ABTB2: variants seen among roughly 807,000 people sequenced by gnomAD.
ABTB2 encodes ankyrin repeat and BTB domain containing 2, also known as ankyrin repeat and BTB/POZ domain-containing protein 2.
A neutral mutation model predicts 104.1 loss-of-function variants in ABTB2; 56 were observed. The ratio of observed to expected loss-of-function variants is 0.54; its 90% CI spans 0.43 to 0.67. The LOEUF (loss-of-function observed/expected upper bound fraction) is 0.67, where lower values mean the gene tolerates loss of function less well. Among genes scored for constraint, ABTB2 ranks in the 30% least tolerant of loss-of-function variants. The pLI is 0.00. For missense variants in ABTB2, 1,279 were observed against 1,407.7 expected, an observed-to-expected ratio of 0.91 and a Z score of 1.46; for synonymous variants, 606 against 608.2, an observed-to-expected ratio of 1.00 and a Z score of 0.05.
intron 1 of ABTB2, among the ~76,000 whole-genome samples, chr11:34,272,134 G>A (rs1389570362): frequency 1.3e-5 from 2 of 152,082 alleles, no homozygotes; most frequent in Non-Finnish European, 1.5e-5. Flanking sequence ...TAAAGATAAT[G>A]ATAGTACCCA....
intron 2 of ABTB2, among the ~76,000 whole-genome samples, chr11:34,201,444 T>G (rs1223390454): frequency 1.3e-5 from 2 of 152,184 alleles, no homozygotes; most frequent in Non-Finnish European, 2.9e-5. Flanking sequence ...TTGTTTTATT[T>G]TGTATTCTCT....
At chr11:34,165,718 C>G (rs1405249063) in intron 7 of ABTB2, among the ~76,000 whole-genome samples, 1 of 152,236 alleles carries the variant, frequency 6.6e-6, no homozygotes, top group African/African-American at 2.4e-5. Flanking sequence ...AACCATGGCT[C>G]TGGGTGGCAG....
At chr11:34,312,295 C>T (rs1854866051) in intron 1 of ABTB2, among the ~76,000 whole-genome samples, 1 of 152,196 alleles carries the variant, frequency 6.6e-6, no homozygotes, top group Admixed American at 6.5e-5. Context: ...CAGGAAAACA[C>T]ACCTTGTTCA....
intron 1 of ABTB2, among the ~76,000 whole-genome samples, chr11:34,271,267 A>G (rs1010967651): frequency 6.6e-6 from 1 of 152,242 alleles, no homozygotes; most frequent in Non-Finnish European, 1.5e-5. Flanking sequence ...GATGGAAATG[A>G]AGATAATAAT....
chr11:34,206,738 G>A (rs1316037328), intron 1 of ABTB2, among the ~76,000 whole-genome samples: 1 of 152,136 alleles, frequency 6.6e-6, no homozygotes, highest in African/African-American at 2.4e-5. Context: ...CCAGCCCAGG[G>A]CCTCAGTGTG....
chr11:34,175,457 G>A (rs541060862), intron 3 of ABTB2, among the ~76,000 whole-genome samples: 25 of 152,194 alleles, frequency 1.6e-4, no homozygotes, highest in Admixed American at 1.2e-3. Context: ...GTAACTTACT[G>A]AATACTGTAT....
intron 2 of ABTB2, among the ~76,000 whole-genome samples, chr11:34,202,612 G>A (rs995380993): frequency 3.9e-5 from 6 of 152,110 alleles, no homozygotes; most frequent in African/African-American, 9.7e-5. Context: ...AGGCCAAAGT[G>A]GGGAATCACT....
chr11:34,168,386 T>C (rs1199563155), intron 5 of ABTB2, among the ~76,000 whole-genome samples: 1 of 152,206 alleles, frequency 6.6e-6, no homozygotes, highest in East Asian at 1.9e-4. Context: ...TGGATTAATA[T>C]GTATAAAGTG....
At chr11:34,234,480 G>A (rs1853814218) in intron 1 of ABTB2, among the ~76,000 whole-genome samples, 1 of 152,194 alleles carries the variant, frequency 6.6e-6, no homozygotes, top group Admixed American at 6.5e-5. Flanking sequence ...CTCACACCCA[G>A]GGTCCCAGGG....
chr11:34,217,586 C>T (rs1331423355), intron 1 of ABTB2, among the ~76,000 whole-genome samples: 4 of 152,096 alleles, frequency 2.6e-5, no homozygotes, highest in Admixed American at 2.0e-4. Flanking sequence ...CTCAGCCTCC[C>T]GAGTAGCTGG....
intron 1 of ABTB2, among the ~76,000 whole-genome samples, chr11:34,309,909 C>T (rs1854829491): frequency 6.6e-6 from 1 of 152,122 alleles, no homozygotes; most frequent in Admixed American, 6.6e-5. Flanking sequence ...TAAATATTCA[C>T]TTTTATATCT....
chr11:34,196,130 T>A (rs114920287), intron 3 of ABTB2, among the ~76,000 whole-genome samples: 5 of 152,248 alleles, frequency 3.3e-5, no homozygotes, highest in East Asian at 1.9e-4. Flanking sequence ...TTACCTTAAG[T>A]GGCCAAGCAG....
At chr11:34,221,096 A>G (rs1853615857) in intron 1 of ABTB2, among the ~76,000 whole-genome samples, 1 of 152,018 alleles carries the variant, frequency 6.6e-6, no homozygotes, top group African/African-American at 2.4e-5. Flanking sequence ...CAGCCTCCAG[A>G]GTAGCTGGGA....
chr11:34,194,706 C>T (rs576010360), intron 3 of ABTB2, among the ~76,000 whole-genome samples: 20 of 151,896 alleles, frequency 1.3e-4, no homozygotes, highest in Non-Finnish European at 2.2e-4. Context: ...ACCAGGGCGC[C>T]GTCGGGCTGT....
chr11:34,322,938 C>A lies in ABTB2; in HGVS notation c.883+33763G>T, dbSNP rs1297996029. 2.0e-5 allele frequency among the ~76,000 whole-genome samples: 3 copies of A among 152,176 alleles called. No homozygotes were observed. The South Asian group carries it at 6.2e-4, about 31-fold the overall frequency. On this transcript the variant is annotated intron_variant, in intron 1 of 16. Coordinates refer to ENST00000435224, the MANE Select transcript of ABTB2 (RefSeq NM_145804.3). The stretch of plus-strand genomic sequence containing the variant: ...TATTTATTTATTTATGAGATTGAGT[C>A]TCGCTCTATCGCCCAGGCTGGAGTG...
At chr11:34,274,568 C>CAT (rs1854361227) in intron 1 of ABTB2, among the ~76,000 whole-genome samples, 1 of 151,338 alleles carries the variant, frequency 6.6e-6, no homozygotes, top group South Asian at 2.1e-4. Context: ...TATACACACA[C>CAT]ACACACACAC....
intron 1 of ABTB2, among the ~76,000 whole-genome samples, chr11:34,344,037 C>T (rs903877130): frequency 2.0e-5 from 3 of 152,080 alleles, no homozygotes; most frequent in African/African-American, 7.2e-5. Context: ...ACTCCCAAAC[C>T]ATTCGGACAC....
chr11:34,168,115 G>GT (rs1852827074), intron 5 of ABTB2, 123 bp from the exon 6 acceptor site: 1 of 972,794 alleles, frequency 1.0e-6, no homozygotes, highest in African/African-American at 1.6e-5. Context: ...GCATCCTGTG[G>GT]TCCCCCAGGC....
chr11:34,330,467 C>T (rs1257855124), intron 1 of ABTB2, among the ~76,000 whole-genome samples: 2 of 152,140 alleles, frequency 1.3e-5, no homozygotes, highest in African/African-American at 2.4e-5. Flanking sequence ...TATAGAAAGA[C>T]ACAATAAATG....
Sources: allele counts gnomAD v4.1 joint callset (sites outside exome capture counted in the v4.1 genomes callset), GRCh38; gene constraint gnomAD v4.1.1; transcripts MANE v1.5; gene names NCBI Gene and HGNC (gene_info 2026-07-23, HGNC 2026-07-21).